SLC22A25: variants seen among roughly 807,000 people sequenced by gnomAD.
SLC22A25 encodes the protein solute carrier family 22 member 25, also known as MGI:2442751, MGI:2385316, MGI:3042283, MGI:3645714, MGI:3605624, MGI:2442750.
SLC22A25 carries 44 observed loss-of-function variants against 45.9 expected under a neutral mutation model. The observed-to-expected ratio is 0.96, with a 90% CI of 0.75 to 1.23. The LOEUF (loss-of-function observed/expected upper bound fraction) is 1.23, where lower values mean the gene tolerates loss of function less well. Ranked by LOEUF, SLC22A25 falls within the 50% of genes most tolerant of loss-of-function variation. The pLI is 0.00. For synonymous variants in SLC22A25, 283 were observed against 238.6 expected (o/e 1.19, Z -1.72); for missense variants, 800 against 666.4 (o/e 1.20, Z -2.21).
At chr11:63,211,803 C>G (rs1237422311) in intron 7 of SLC22A25, among the ~76,000 whole-genome samples, 1 of 151,968 alleles carries the variant, frequency 6.6e-6, no homozygotes, top group Non-Finnish European at 1.5e-5. Context: ...CAACAAAAGC[C>G]AAAATTGACA....
chr11:63,213,677 C>T (rs2134807001), intron 7 of SLC22A25, among the ~76,000 whole-genome samples: 1 of 152,244 alleles, frequency 6.6e-6, no homozygotes, highest in Non-Finnish European at 1.5e-5. Context: ...ACCCAGCTAC[C>T]CTGCTGTCTG....
At chr11:63,209,940 G>A (rs181577395) in intron 7 of SLC22A25, among the ~76,000 whole-genome samples, 172 of 152,304 alleles carry the variant, frequency 1.1e-3, no homozygotes, top group African/African-American at 4.0e-3. Flanking sequence ...ATACCCAAAT[G>A]AGGCAAGGGA....
intron 7 of SLC22A25, among the ~76,000 whole-genome samples, chr11:63,202,160 G>C (rs566883143): frequency 6.6e-6 from 1 of 152,228 alleles, no homozygotes; most frequent in East Asian, 1.9e-4. Flanking sequence ...CAGACCAGGA[G>C]ATTCCCTTGG....
intron 7 of SLC22A25, among the ~76,000 whole-genome samples, chr11:63,185,739 T>G (rs185381398): frequency 7.6e-6 from 1 of 131,836 alleles, no homozygotes; most frequent in East Asian, 2.3e-4. Flanking sequence ...TTCCCCTTCC[T>G]GTGTCCCTGT....
At chr11:63,184,427 T>G (rs1419209353) in intron 7 of SLC22A25, among the ~76,000 whole-genome samples, 1 of 152,102 alleles carries the variant, frequency 6.6e-6, no homozygotes, top group Non-Finnish European at 1.5e-5. Context: ...CTGTATTAAA[T>G]CTGTAATTAT....
intron 7 of SLC22A25, among the ~76,000 whole-genome samples, chr11:63,195,640 C>T (rs1447830413): frequency 6.6e-6 from 1 of 152,036 alleles, no homozygotes; most frequent in Non-Finnish European, 1.5e-5. Context: ...TAAATGCCCA[C>T]AAGAGAAAGC....
At chr11:63,212,870 C>T (rs1446276029) in intron 7 of SLC22A25, among the ~76,000 whole-genome samples, 4 of 152,012 alleles carry the variant, frequency 2.6e-5, no homozygotes, top group African/African-American at 7.2e-5. Context: ...TTTTGCACCA[C>T]CTAGTGACAA....
rs541338366 is a variant in SLC22A25, at chr11:63,161,270, G to A, written c.*2554C>T. Among the ~76,000 whole-genome samples, 73 of 152,304 alleles carry A rather than the reference G, an allele frequency of 4.8e-4. 1 individual carries two copies. In the South Asian group the frequency reaches 0.015, roughly 31 times the overall value. On this transcript the variant is annotated 3_prime_UTR_variant, in exon 12 of 12. Transcript: ENST00000306494. The stretch of plus-strand genomic sequence containing the variant: ...TTTCTTTTGATTTTGCAAGGTCATA[G>A]GTGGAAAGGACTTGCCTTGTCTCAG...
intron 7 of SLC22A25, among the ~76,000 whole-genome samples, chr11:63,196,281 C>A (rs924112323): frequency 2.0e-5 from 3 of 152,104 alleles, no homozygotes; most frequent in Admixed American, 1.3e-4. Context: ...GATACCAAAG[C>A]CTGGCAGAGA....
chr11:63,171,376 CT>C (rs2087878779), intron 9 of SLC22A25, among the ~76,000 whole-genome samples: 1 of 151,082 alleles, frequency 6.6e-6, no homozygotes, highest in Non-Finnish European at 1.5e-5. Context: ...CAAATTGTCT[CT>C]GCAGATGACA....
At chr11:63,203,802 A>C (rs1039469185) in intron 7 of SLC22A25, among the ~76,000 whole-genome samples, 1 of 152,198 alleles carries the variant, frequency 6.6e-6, no homozygotes, top group African/African-American at 2.4e-5. Flanking sequence ...CAGGAAATAC[A>C]GAGAACACCA....
In SLC22A25 at chr11:63,166,216, G is replaced by A. The variant is rs2087677182; in HGVS notation, c.1113C>T (p.Leu371=). The A allele has an allele frequency of 1.9e-6, 3 of 1,614,008 alleles. No homozygotes were observed. Among genetic ancestry groups the A allele is most frequent in the Non-Finnish European group, 8.5e-7 (1 of 1,179,942 alleles). The change falls in exon 10 of 12, where the codon CTC becomes CTT. Residue 371 remains leucine (L), a synonymous_variant. Transcript: ENST00000306494. ...GGAAAACATTGTTTCCCAGATGCTG[G>A]AGGTGCAAAGTAAGGCCCCAAAAAG... The part of the protein sequence containing the change: ...TIPFWGLTLH[L]QHLGNNVFLL...
In SLC22A25 at chr11:63,188,461, G is replaced by A. The variant is rs145918660; in HGVS notation, c.831-4644C>T. On this transcript the variant is annotated intron_variant, in intron 7 of 11. Coordinates refer to ENST00000306494, the MANE Select transcript of SLC22A25 (RefSeq NM_199352.6). ...TTTCTTCTTTATTAGTCCTGCTAGC[G>A]GTCTATCTATTTTGTTGCTCTTTTC... Among the ~76,000 whole-genome samples the A allele has an allele frequency of 2.7e-3, 414 of 152,048 alleles. 22 individuals are homozygous for A. In the East Asian group the frequency reaches 0.071, roughly 26 times the overall value.
intron 9 of SLC22A25, among the ~76,000 whole-genome samples, chr11:63,169,380 C>G (rs978717021): frequency 1.8e-4 from 27 of 151,338 alleles, no homozygotes; most frequent in African/African-American, 5.8e-4. Flanking sequence ...TGGCAAATTG[C>G]ATAGAGTCAA....
Position 63,214,257 on chromosome 11 carries a change from C to T in SLC22A25, c.830+3057G>A, listed in dbSNP as rs912124257. On this transcript the variant is annotated intron_variant, in intron 7 of 11. Transcript: ENST00000306494. Reference sequence around the variant, plus strand: ...AGTCAACTATAGAGGCAATAGTAACCTGACACACTACTGCGCAGTTGATAG... The same window carrying T: ...AGTCAACTATAGAGGCAATAGTAACTTGACACACTACTGCGCAGTTGATAG... Among the ~76,000 whole-genome samples, 5 of 152,158 alleles carry T rather than the reference C, an allele frequency of 3.3e-5. No individual in the cohort carries two copies. In the South Asian group the frequency reaches 1.0e-3, roughly 32 times the overall value.
At chr11:63,181,782 G>C (rs572186716) in intron 8 of SLC22A25, among the ~76,000 whole-genome samples, 1 of 152,192 alleles carries the variant, frequency 6.6e-6, no homozygotes, top group South Asian at 2.1e-4. Context: ...ACCTGTGACT[G>C]GTGAGTAAGC....
chr11:63,159,733 A>G lies in SLC22A25; in HGVS notation c.*4091T>C, dbSNP rs1245453105. On this transcript the variant is annotated 3_prime_UTR_variant, in exon 12 of 12. Coordinates refer to ENST00000306494, the MANE Select transcript of SLC22A25 (RefSeq NM_199352.6). ...ATATTTGGAGGGCTCAGAAGAAGAC[A>G]GGAAAATGTTGGAAAGTTTGGAACT... 6.6e-6 allele frequency among the ~76,000 whole-genome samples: 1 copy of G among 152,218 alleles called. No individual in the cohort carries two copies. Among genetic ancestry groups the G allele is most frequent in the Admixed American group, 6.5e-5 (1 of 15,276 alleles).
intron 3 of SLC22A25, among the ~76,000 whole-genome samples, chr11:63,235,939 C>T (rs780345545): frequency 5.3e-5 from 8 of 152,176 alleles, no homozygotes; most frequent in Middle Eastern, 3.2e-3. Context: ...GTATCAGCAG[C>T]GGTGGCTGCA....
chr11:63,190,600 C>A (rs190972922), intron 7 of SLC22A25, among the ~76,000 whole-genome samples: 1 of 152,172 alleles, frequency 6.6e-6, no homozygotes, highest in East Asian at 1.9e-4. Context: ...GAGCTGCATT[C>A]CTTTGGAGGA....
Sources: gnomAD v4.1 joint callset for allele counts (sites outside exome capture counted in the v4.1 genomes callset) on GRCh38, gnomAD v4.1.1 for gene constraint, MANE v1.5 for transcripts, NCBI Gene and HGNC (gene_info 2026-07-23, HGNC 2026-07-21) for gene names.